The following GLMN variants were observed in gnomAD, a reference collection of about 807,000 sequenced individuals.
GLMN encodes the protein glomulin, FKBP associated protein.
Under a neutral mutation model 87.8 loss-of-function variants are expected in GLMN, and 75 were observed. The observed-to-expected ratio is 0.85, with a 90% CI of 0.71 to 1.04. The LOEUF (loss-of-function observed/expected upper bound fraction) is 1.04, where lower values mean the gene tolerates loss of function less well. Among genes scored for constraint, GLMN ranks in the 50% least tolerant of loss-of-function variants. The pLI, the probability that GLMN is intolerant of heterozygous loss-of-function variation, is 0.00. For synonymous variants in GLMN, 206 were observed against 221.6 expected (o/e 0.93, Z 0.63); for missense variants, 588 against 658.8 (o/e 0.89, Z 1.18).
chr1:92,289,495 T>C (rs1416921310), intron 5 of GLMN, among the ~76,000 whole-genome samples: 1 of 152,058 alleles, frequency 6.6e-6, no homozygotes, highest in African/African-American at 2.4e-5. Context: ...TAGGAGGTGG[T>C]ATTATTAGAT....
the GLMN span, among the ~76,000 whole-genome samples, chr1:92,312,168 T>C: frequency 6.6e-6 from 1 of 152,196 alleles, no homozygotes; most frequent in Admixed American, 6.5e-5. Flanking sequence ...CCCAGCATTG[T>C]TGCGGGGCAA....
the GLMN span, chr1:92,323,913 G>A: frequency 6.2e-7 from 1 of 1,614,148 alleles, no homozygotes; most frequent in Non-Finnish European, 8.5e-7. Flanking sequence ...GCATAAGTAA[G>A]AAAAGTGCAG....
chr1:92,266,845 GGTA>G lies in GLMN; in HGVS notation c.1099-107_1099-105del, dbSNP rs1163856978. Reference sequence around the variant, plus strand: ...GATACTAAAAATTCAGAGAAGTGAGGGTAGGAGATTTAAAAGTGAAGTAAATTA... The same window carrying G: ...GATACTAAAAATTCAGAGAAGTGAGGGGAGATTTAAAAGTGAAGTAAATTA... On this transcript the variant is annotated intron_variant, in intron 11 of 18. Coordinates refer to ENST00000370360, the MANE Select transcript of GLMN (RefSeq NM_053274.3). 5 of 730,378 alleles carry G rather than the reference GGTA, an allele frequency of 6.8e-6. No individual in the cohort carries two copies. In the African/African-American group the frequency reaches 8.9e-5, roughly 13 times the overall value. The allele number at this position is 730,378 out of a possible 1,614,324, so 45.2% of individuals were successfully genotyped here.
chr1:92,327,928 G>T, the GLMN span, among the ~76,000 whole-genome samples: 1 of 152,132 alleles, frequency 6.6e-6, no homozygotes. Context: ...AGTTTCGCTG[G>T]ATACAAAATT....
the GLMN span, among the ~76,000 whole-genome samples, chr1:92,368,427 C>T: frequency 2.6e-5 from 4 of 152,082 alleles, no homozygotes; most frequent in African/African-American, 4.8e-5. Context: ...TTGTACTCCA[C>T]GAGATAAAAA....
chr1:92,305,432 CAAA>C, the GLMN span, among the ~76,000 whole-genome samples: 11 of 52,692 alleles, frequency 2.1e-4, no homozygotes, highest in East Asian at 8.2e-3. Context: ...GGCTCCGTCT[CAAA>C]AAAAAAAAAA....
At chr1:92,260,097 C>T (rs1284578068) in intron 16 of GLMN, among the ~76,000 whole-genome samples, 2 of 151,960 alleles carry the variant, frequency 1.3e-5, no homozygotes, top group Non-Finnish European at 2.9e-5. Flanking sequence ...TTTTATTAAC[C>T]ACAGTAGACA....
At chr1:92,367,630 T>C in the GLMN span, among the ~76,000 whole-genome samples, 1 of 152,232 alleles carries the variant, frequency 6.6e-6, no homozygotes, top group Admixed American at 6.5e-5. Context: ...GTCTCCCTAC[T>C]GCAGCAGAAC....
intron 16 of GLMN, among the ~76,000 whole-genome samples, chr1:92,249,168 T>C (rs1653096741): frequency 6.6e-6 from 1 of 151,878 alleles, no homozygotes; most frequent in African/African-American, 2.4e-5. Context: ...TAGTATGATC[T>C]CATTTTCTTT....
At position 92,291,319 on chromosome 1, in the gene GLMN, C is replaced by A. The variant is rs990796531; in HGVS notation, c.285+99G>T. 5 of 1,103,756 alleles carry A rather than the reference C, an allele frequency of 4.5e-6. No homozygotes were observed. The African/African-American group carries it at 7.8e-5, about 17-fold the overall frequency. The allele number at this position is 1,103,756 out of a possible 1,614,324, so 68.4% of individuals were successfully genotyped here. A position where few individuals can be genotyped will look rare whatever the true frequency, so the allele number is the denominator to read the frequency against. ...ACGAGTTCCTTTCTGCATGTACTTTCATGAACCAAAAGCTTTCTTACCAAA... is the reference window on the plus strand; with the variant it reads ...ACGAGTTCCTTTCTGCATGTACTTTAATGAACCAAAAGCTTTCTTACCAAA... On this transcript the variant is annotated intron_variant, in intron 4 of 18. Coordinates refer to ENST00000370360, the MANE Select transcript of GLMN (RefSeq NM_053274.3).
In GLMN at chr1:92,288,907, T is replaced by C; in HGVS notation, c.632+7A>G. 5 of 1,323,560 alleles carry C rather than the reference T, an allele frequency of 3.8e-6. No individual in the cohort carries two copies. Among genetic ancestry groups the C allele is most frequent in the Non-Finnish European group, 5.5e-6 (5 of 915,392 alleles). The allele number at this position is 1,323,560 out of a possible 1,614,324, so 82.0% of individuals were successfully genotyped here. A position where few individuals can be genotyped will look rare whatever the true frequency, so the allele number is the denominator to read the frequency against. The stretch of plus-strand genomic sequence containing the variant: ...CCACTGTGAGATGTTCTTAAAATTA[T>C]ACTTACAATTTCAGTAATTCATCCT... On this transcript the variant is annotated splice_region_variant and intron_variant, in intron 6 of 18. Coordinates refer to ENST00000370360, the MANE Select transcript of GLMN (RefSeq NM_053274.3).
the GLMN span, among the ~76,000 whole-genome samples, chr1:92,313,004 C>T: frequency 1.3e-5 from 2 of 151,992 alleles, no homozygotes; most frequent in Non-Finnish European, 2.9e-5. Flanking sequence ...TAGCTGGGAC[C>T]ACAGGCATGC....
chr1:92,344,917 T>C, the GLMN span, among the ~76,000 whole-genome samples: 1 of 152,212 alleles, frequency 6.6e-6, no homozygotes, highest in Non-Finnish European at 1.5e-5. Flanking sequence ...TATTGGCTGA[T>C]ATTTTCTTAT....
the GLMN span, among the ~76,000 whole-genome samples, chr1:92,310,984 C>A: frequency 6.6e-6 from 1 of 152,192 alleles, no homozygotes; most frequent in Non-Finnish European, 1.5e-5. Context: ...TTTACATTAT[C>A]TCATATATGC....
intron 7 of GLMN, among the ~76,000 whole-genome samples, chr1:92,284,573 T>G (rs1284430212): frequency 2.6e-5 from 4 of 152,164 alleles, no homozygotes; most frequent in Non-Finnish European, 5.9e-5. Context: ...AAGGACTTCA[T>G]GATTAAAACA....
At chr1:92,319,431 A>G in the GLMN span, among the ~76,000 whole-genome samples, 1 of 152,160 alleles carries the variant, frequency 6.6e-6, no homozygotes, top group Non-Finnish European at 1.5e-5. Flanking sequence ...ATGAGGATCA[A>G]TATCTGTAAA....
At chr1:92,326,371 G>C in the GLMN span, among the ~76,000 whole-genome samples, 1 of 152,158 alleles carries the variant, frequency 6.6e-6, no homozygotes, top group African/African-American at 2.4e-5. Context: ...ATGGCAGGGG[G>C]GTGAAATGGA....
intron 3 of GLMN, among the ~76,000 whole-genome samples, chr1:92,292,842 A>G (rs1649581864): frequency 6.6e-6 from 1 of 150,980 alleles, no homozygotes; most frequent in South Asian, 2.1e-4. Context: ...AGCCTGGGCA[A>G]CACGGCCAAA....
intron 7 of GLMN, among the ~76,000 whole-genome samples, chr1:92,279,583 G>A (rs893072548): frequency 1.3e-5 from 2 of 152,078 alleles, no homozygotes; most frequent in Non-Finnish European, 2.9e-5. Flanking sequence ...GAGGTACCTG[G>A]TTCACCTCAC....
Sources: gnomAD v4.1 joint callset for allele counts (sites outside exome capture counted in the v4.1 genomes callset) on GRCh38, gnomAD v4.1.1 for gene constraint, MANE v1.5 for transcripts, NCBI Gene and HGNC (gene_info 2026-07-23, HGNC 2026-07-21) for gene names.